TMEM132C: variants seen among roughly 807,000 people sequenced by gnomAD.
The protein encoded by TMEM132C is transmembrane protein 132C.
TMEM132C carries 29 observed loss-of-function variants against 61.4 expected under a neutral mutation model. That is an observed-to-expected ratio of 0.47 (90% CI 0.35 to 0.64). The LOEUF is 0.64. Among genes scored for constraint, TMEM132C ranks in the 30% least tolerant of loss-of-function variants. The probability of loss-of-function intolerance (pLI) is 0.00; values close to 1 mark genes in which losing one functional copy is unlikely to be tolerated. For missense variants in TMEM132C, 1,408 were observed against 1,476.9 expected, an observed-to-expected ratio of 0.95 and a Z score of 0.76; for synonymous variants, 656 against 633.1, an observed-to-expected ratio of 1.04 and a Z score of -0.54.
intron 3 of TMEM132C, among the ~76,000 whole-genome samples, chr12:128,573,444 G>T (rs924756747): frequency 6.6e-6 from 1 of 151,844 alleles, no homozygotes; most frequent in Non-Finnish European, 1.5e-5. Flanking sequence ...ACACACCGGG[G>T]CCTGTCGTGG....
At chr12:128,529,954 A>G (rs907680177) in intron 2 of TMEM132C, among the ~76,000 whole-genome samples, 3 of 152,174 alleles carry the variant, frequency 2.0e-5, no homozygotes, top group Admixed American at 2.0e-4. Context: ...TAATGGCAAA[A>G]TGATGATATT....
intron 2 of TMEM132C, among the ~76,000 whole-genome samples, chr12:128,455,084 T>C (rs1487396493): frequency 2.6e-5 from 4 of 152,212 alleles, no homozygotes; most frequent in African/African-American, 9.7e-5. Context: ...AACTAAGTCC[T>C]TCATGATTTC....
intron 1 of TMEM132C, among the ~76,000 whole-genome samples, chr12:128,368,116 A>C (rs1174774283): frequency 6.6e-6 from 1 of 152,242 alleles, no homozygotes; most frequent in Non-Finnish European, 1.5e-5. Context: ...TCTTCCAGGA[A>C]GATCTAGCCA....
intron 4 of TMEM132C, among the ~76,000 whole-genome samples, chr12:128,646,324 T>A (rs1954197979): frequency 6.6e-6 from 1 of 152,168 alleles, no homozygotes; most frequent in African/African-American, 2.4e-5. Flanking sequence ...GATGTGAGTG[T>A]GTTCACTAGA....
intron 4 of TMEM132C, among the ~76,000 whole-genome samples, chr12:128,622,356 A>T (rs1332737623): frequency 7.3e-4 from 43 of 59,162 alleles, no homozygotes; most frequent in African/African-American, 1.8e-3. Context: ...AAAAAAAAAA[A>T]AAAAATATAT....
chr12:128,396,913 A>G (rs1279029992), intron 1 of TMEM132C, among the ~76,000 whole-genome samples: 1 of 152,146 alleles, frequency 6.6e-6, no homozygotes, highest in Non-Finnish European at 1.5e-5. Flanking sequence ...AGCCTCTTCT[A>G]TTATTTCCAA....
intron 4 of TMEM132C, among the ~76,000 whole-genome samples, chr12:128,618,897 C>G (rs1402498527): frequency 6.6e-6 from 1 of 152,172 alleles, no homozygotes; most frequent in African/African-American, 2.4e-5. Flanking sequence ...GGATGTACAA[C>G]TTGACCTCAG....
intron 2 of TMEM132C, among the ~76,000 whole-genome samples, chr12:128,522,296 G>A (rs542682591): frequency 2.0e-5 from 3 of 152,178 alleles, no homozygotes; most frequent in Admixed American, 1.3e-4. Flanking sequence ...GGAGCCACAC[G>A]ATTCCATTTT....
intron 2 of TMEM132C, among the ~76,000 whole-genome samples, chr12:128,460,181 T>C (rs1402347135): frequency 6.6e-6 from 1 of 152,024 alleles, no homozygotes; most frequent in Non-Finnish European, 1.5e-5. Context: ...CAAGCTGGCT[T>C]AGGGGAGAAG....
At chr12:128,574,702 G>C (rs932529391) in intron 3 of TMEM132C, among the ~76,000 whole-genome samples, 3 of 152,180 alleles carry the variant, frequency 2.0e-5, no homozygotes, top group Non-Finnish European at 4.4e-5. Flanking sequence ...GATGGGCTTG[G>C]GTGGTTCCAA....
intron 2 of TMEM132C, among the ~76,000 whole-genome samples, chr12:128,509,612 C>T (rs1381594351): frequency 1.3e-5 from 2 of 152,172 alleles, no homozygotes; most frequent in Admixed American, 1.3e-4. Flanking sequence ...TATTTGCCTT[C>T]CACAGGGAGC....
chr12:128,608,363 G>A (rs2135578603), intron 3 of TMEM132C, among the ~76,000 whole-genome samples: 1 of 152,294 alleles, frequency 6.6e-6, no homozygotes, highest in East Asian at 1.9e-4. Context: ...ACTCCCAACA[G>A]CCAGGACTCA....
At chr12:128,566,022 T>C (rs1874686434) in intron 3 of TMEM132C, among the ~76,000 whole-genome samples, 1 of 152,070 alleles carries the variant, frequency 6.6e-6, no homozygotes. Context: ...TCCGAGTAGC[T>C]GGGATTACAG....
chr12:128,634,290 GT>G (rs1954084348), intron 4 of TMEM132C, among the ~76,000 whole-genome samples: 1 of 152,200 alleles, frequency 6.6e-6, no homozygotes. Flanking sequence ...TGCCCAGCTA[GT>G]CTCAAACTCC....
chr12:128,618,384 A>G (rs1006204699), intron 4 of TMEM132C, among the ~76,000 whole-genome samples: 1 of 152,216 alleles, frequency 6.6e-6, no homozygotes, highest in Admixed American at 6.5e-5. Flanking sequence ...TTTGTTTGCA[A>G]GTAAATGCAT....
intron 2 of TMEM132C, among the ~76,000 whole-genome samples, chr12:128,492,420 C>A (rs975029868): frequency 5.9e-5 from 9 of 152,178 alleles, no homozygotes; most frequent in African/African-American, 2.2e-4. Context: ...CCTGAGGAAT[C>A]GCCACACTGT....
At chr12:128,438,616 C>G (rs1869676962) in intron 2 of TMEM132C, among the ~76,000 whole-genome samples, 1 of 152,110 alleles carries the variant, frequency 6.6e-6, no homozygotes, top group African/African-American at 2.4e-5. Flanking sequence ...AGGTTAAATT[C>G]TCATAACATA....
intron 2 of TMEM132C, among the ~76,000 whole-genome samples, chr12:128,467,619 C>T (rs2136076490): frequency 6.6e-6 from 1 of 152,184 alleles, no homozygotes; most frequent in South Asian, 2.1e-4. Context: ...GGGGTCAGGT[C>T]CAGATTTTGG....
chr12:128,474,156 A>C (rs1871081305), intron 2 of TMEM132C, among the ~76,000 whole-genome samples: 1 of 152,178 alleles, frequency 6.6e-6, no homozygotes, highest in African/African-American at 2.4e-5. Flanking sequence ...TGAAACACAG[A>C]TTGCTGAGTC....
Sources: gnomAD v4.1 joint callset for allele counts (sites outside exome capture counted in the v4.1 genomes callset) on GRCh38, gnomAD v4.1.1 for gene constraint, MANE v1.5 for transcripts, NCBI Gene and HGNC (gene_info 2026-07-23, HGNC 2026-07-21) for gene names.